The following CHMP3 variants were observed in gnomAD, a reference collection of about 807,000 sequenced individuals.
CHMP3 encodes 25.1 protein.
Under a neutral mutation model 27.4 loss-of-function variants are expected in CHMP3, and 8 were observed. The observed-to-expected ratio is 0.29, with a 90% CI of 0.17 to 0.53. CHMP3 has a LOEUF of 0.53. Ranked by LOEUF, CHMP3 falls within the 20% of genes least tolerant of loss-of-function variation. The pLI, the probability that CHMP3 is intolerant of heterozygous loss-of-function variation, is 0.96. For missense variants in CHMP3, 208 were observed against 271.5 expected (o/e 0.77, Z 1.64); for synonymous variants, 86 against 85.5 (o/e 1.01, Z -0.03).
chr2:86,517,080 A>G (rs1675335635), intron 3 of CHMP3, among the ~76,000 whole-genome samples: 1 of 152,208 alleles, frequency 6.6e-6, no homozygotes, highest in African/African-American at 2.4e-5. Flanking sequence ...TACTACATGT[A>G]TGTGAGTCTA....
chr2:86,546,057 C>T (rs1165714856), intron 1 of CHMP3, among the ~76,000 whole-genome samples: 1 of 151,924 alleles, frequency 6.6e-6, no homozygotes, highest in African/African-American at 2.4e-5. Flanking sequence ...CGCCACTGCA[C>T]TCCAGCCTGG....
intron 5 of CHMP3, 52 bp from the exon 6 acceptor site, chr2:86,506,001 C>T (rs574063908): frequency 9.6e-6 from 14 of 1,462,848 alleles, no homozygotes; most frequent in Non-Finnish European, 1.3e-5. Flanking sequence ...GAAGCAGCCC[C>T]TCAATCTTCC....
At chr2:86,552,478 C>G (rs1676946836) in intron 1 of CHMP3, among the ~76,000 whole-genome samples, 1 of 152,128 alleles carries the variant, frequency 6.6e-6, no homozygotes, top group East Asian at 1.9e-4. Context: ...TATAGAATAG[C>G]TGATTCAGGA....
intron 1 of CHMP3, among the ~76,000 whole-genome samples, chr2:86,549,910 A>T (rs1036697469): frequency 3.3e-5 from 5 of 151,538 alleles, no homozygotes; most frequent in Admixed American, 2.0e-4. Context: ...GGCCGGGCAG[A>T]GGCGCTTCTC....
chr2:86,525,096 TA>T (rs1389621597), intron 3 of CHMP3, among the ~76,000 whole-genome samples: 4 of 152,204 alleles, frequency 2.6e-5, no homozygotes, highest in African/African-American at 9.7e-5. Flanking sequence ...TGCTGAAACC[TA>T]AATAAATCAT....
chr2:86,552,158 C>T (rs1305127840), intron 1 of CHMP3, among the ~76,000 whole-genome samples: 1 of 152,134 alleles, frequency 6.6e-6, no homozygotes, highest in Non-Finnish European at 1.5e-5. Context: ...CAGTATCAAA[C>T]AGAATAATGG....
At chr2:86,537,314 T>G (rs2103970673) in intron 2 of CHMP3, among the ~76,000 whole-genome samples, 1 of 152,332 alleles carries the variant, frequency 6.6e-6, no homozygotes, top group African/African-American at 2.4e-5. Flanking sequence ...GCTCTGGAAT[T>G]TTGGGGTTTC....
chr2:86,538,741 A>G (rs1226559360), intron 2 of CHMP3, among the ~76,000 whole-genome samples: 1 of 152,332 alleles, frequency 6.6e-6, no homozygotes, highest in East Asian at 1.9e-4. Context: ...GAGTGTTCAA[A>G]ATGTGTTACA....
At chr2:86,520,573 C>T (rs1675483294) in intron 3 of CHMP3, among the ~76,000 whole-genome samples, 1 of 152,064 alleles carries the variant, frequency 6.6e-6, no homozygotes. Context: ...AGACACAGAG[C>T]CAAATCATAT....
At chr2:86,546,562 C>T (rs1676616018) in intron 1 of CHMP3, among the ~76,000 whole-genome samples, 2 of 151,938 alleles carry the variant, frequency 1.3e-5, no homozygotes, top group Admixed American at 1.3e-4. Flanking sequence ...CTCAGCCTCC[C>T]AAGTAGCTGG....
chr2:86,511,825 G>A (rs1383767637), intron 3 of CHMP3: 4 of 152,042 alleles, frequency 2.6e-5, no homozygotes, highest in Non-Finnish European at 5.9e-5. Flanking sequence ...TTTTTGGGCT[G>A]AATTAGTGAA....
At chr2:86,506,763 C>A (rs1674905150) in intron 5 of CHMP3, among the ~76,000 whole-genome samples, 1 of 151,582 alleles carries the variant, frequency 6.6e-6, no homozygotes, top group South Asian at 2.1e-4. Context: ...TGTGCCACCA[C>A]ACCCACCTAC....
chr2:86,505,484 A>T lies in CHMP3; in HGVS notation c.*320T>A. ...AAAATTTATTAAAATTCATTTATATAGTGTTTTATAGACAAAAGTAGAGTC... is the reference window on the plus strand; with the variant it reads ...AAAATTTATTAAAATTCATTTATATTGTGTTTTATAGACAAAAGTAGAGTC... On this transcript the variant is annotated 3_prime_UTR_variant, in exon 6 of 6. Transcript: ENST00000263856. 4.6e-6 allele frequency: 1 copy of T among 218,534 alleles called. No individual in the cohort carries two copies. The highest frequency in any genetic ancestry group is 8.8e-6 in the Non-Finnish European group (1 of 113,150). The allele number at this position is 218,534 out of a possible 1,614,324, so 13.5% of individuals were successfully genotyped here.
rs113094505 is a variant in CHMP3, at chr2:86,515,522, T to C, written c.287-5043A>G. On this transcript the variant is annotated intron_variant, in intron 3 of 5. Coordinates refer to ENST00000263856, the MANE Select transcript of CHMP3 (RefSeq NM_016079.4). Reference sequence around the variant, plus strand: ...TTCTAGTAGAAGTGGGGTTTCACTATGTTGGTCAGGCTGGTCTCGAACTCC... The same window carrying C: ...TTCTAGTAGAAGTGGGGTTTCACTACGTTGGTCAGGCTGGTCTCGAACTCC... 4.4e-3 allele frequency among the ~76,000 whole-genome samples: 670 copies of C among 152,218 alleles called. 4 individuals carry two copies. Among genetic ancestry groups the C allele is most frequent in the African/African-American group, 0.015 (639 of 41,540 alleles).
At chr2:86,562,347 T>C (rs1490210006) in intron 1 of CHMP3, 1 of 148,486 alleles carries the variant, frequency 6.7e-6, no homozygotes, top group Non-Finnish European at 1.5e-5. Flanking sequence ...ATGTGCACAC[T>C]AATCATTAGG....
chr2:86,553,303 T>C (rs955394354), intron 1 of CHMP3, among the ~76,000 whole-genome samples: 22 of 152,286 alleles, frequency 1.4e-4, no homozygotes, highest in African/African-American at 5.3e-4. Context: ...TCTTTATTCT[T>C]ACAATGCTAT....
chr2:86,543,849 T>C (rs1329361083), intron 1 of CHMP3, among the ~76,000 whole-genome samples: 1 of 152,240 alleles, frequency 6.6e-6, no homozygotes, highest in African/African-American at 2.4e-5. Context: ...ATGTACTTTT[T>C]TTGGAAGTGA....
chr2:86,562,429 G>A (rs1408592701), intron 1 of CHMP3, among the ~76,000 whole-genome samples: 1 of 152,162 alleles, frequency 6.6e-6, no homozygotes, highest in Non-Finnish European at 1.5e-5. Context: ...GCTCCCAGGT[G>A]ATGTTGATGC....
At chr2:86,530,984 CAA>C (rs1204290565) in intron 2 of CHMP3, among the ~76,000 whole-genome samples, 19 of 152,040 alleles carry the variant, frequency 1.2e-4, no homozygotes, top group African/African-American at 4.1e-4. Context: ...GGAGAAATTC[CAA>C]AAGTCTATTG....
Sources: allele counts gnomAD v4.1 joint callset (sites outside exome capture counted in the v4.1 genomes callset), GRCh38; gene constraint gnomAD v4.1.1; transcripts MANE v1.5; gene names NCBI Gene and HGNC (gene_info 2026-07-23, HGNC 2026-07-21).